Variants in DERA observed in about 807,000 individuals in gnomAD.
The protein encoded by DERA is deoxyribose-phosphate aldolase, also known as 2-deoxy-D-ribose 5-phosphate aldolase.
In DERA, 15 loss-of-function variants were observed where a neutral mutation model predicts 41.1. That is an observed-to-expected ratio of 0.37 (90% CI 0.24 to 0.56). The LOEUF is 0.56. Among genes scored for constraint, DERA ranks in the 20% least tolerant of loss-of-function variants. The pLI is 0.81. For synonymous variants in DERA, 139 were observed against 137.4 expected (o/e 1.01, Z -0.08); for missense variants, 396 against 403.4 (o/e 0.98, Z 0.16).
chr12:15,935,189 T>A lies in DERA; in HGVS notation c.32-21747T>A, dbSNP rs2136132556. On this transcript the variant is annotated intron_variant, in intron 1 of 8. Transcript: ENST00000428559. This position sits in a 1 kb window ranked among gnomAD's most constrained non-coding sequence, Gnocchi z 4.8. ...ATCCATTGCTATGATATTTTAAAGT[T>A]TCACTGTAATTTTTTGGCTGAGTAT... Among the ~76,000 whole-genome samples, 1 of 152,318 alleles carries A rather than the reference T, an allele frequency of 6.6e-6. No homozygotes were observed. The highest frequency in any genetic ancestry group is 2.4e-5 in the African/African-American group (1 of 41,570).
chr12:16,029,910 G>T (rs1265794158), intron 6 of DERA, among the ~76,000 whole-genome samples: 3 of 93,620 alleles, frequency 3.2e-5, no homozygotes, highest in Non-Finnish European at 7.2e-5. Context: ...ATGTAGCCTT[G>T]GTCTTTTTTT....
Position 15,994,821 on chromosome 12 carries a change from A to G in DERA, c.637+12385A>G, listed in dbSNP as rs571443953. Among the ~76,000 whole-genome samples the G allele has an allele frequency of 4.4e-4, 67 of 152,358 alleles. No individual in the cohort carries two copies. The highest frequency in any genetic ancestry group is 1.5e-3 in the African/African-American group (64 of 41,576). ...TCCCTCAGTATATTGTACCAGGTAG[A>G]TGCTTGATTATGCATATTTATTGAA... is the stretch of plus-strand genomic sequence containing the variant. On this transcript the variant is annotated intron_variant, in intron 6 of 8. Transcript: ENST00000428559. This position sits in a 1 kb window ranked among gnomAD's most constrained non-coding sequence, Gnocchi z 4.8.
chr12:16,029,745 G>T (rs1473234895), intron 6 of DERA, among the ~76,000 whole-genome samples: 2 of 151,914 alleles, frequency 1.3e-5, no homozygotes, highest in African/African-American at 4.8e-5. Context: ...CTACTGCTGG[G>T]CTACTGTTGC....
Position 15,962,937 on chromosome 12 carries a change from C to T in DERA, c.498C>T (p.Gly166=). Residue 166 remains glycine, a synonymous_variant, in exon 5 of 9, where the codon GGC becomes GGT. Coordinates refer to ENST00000428559, the MANE Select transcript of DERA (RefSeq NM_015954.4). ...TTAACAGAAGCTTGGTGCTGACAGG[C>T]CAGTGGGAAGGTAGGTGCATGCTTT... ...VVINRSLVLT[G]QWEALYDEIR... is the part of the protein sequence containing the mutation. 1.9e-6 allele frequency: 3 copies of T among 1,606,212 alleles called. No individual in the cohort carries two copies. Among genetic ancestry groups the T allele is most frequent in the South Asian group, 1.1e-5 (1 of 88,672 alleles).
chr12:15,974,374 C>T lies in DERA; in HGVS notation c.509-7934C>T, dbSNP rs183250225. On this transcript the variant is annotated intron_variant, in intron 5 of 8. Transcript: ENST00000428559. ...TTCTTTAACCTAAGAATACTAAGAA[C>T]AGTCCTCAGTCTTCCCTTGTCTTTG... Among the ~76,000 whole-genome samples the T allele has an allele frequency of 1.2e-4, 19 of 152,234 alleles. No homozygotes were observed. The East Asian group carries it at 1.9e-3, about 15-fold the overall frequency.
chr12:15,950,652 T>C (rs1948490656), intron 1 of DERA, among the ~76,000 whole-genome samples: 1 of 152,216 alleles, frequency 6.6e-6, no homozygotes, highest in South Asian at 2.1e-4. Context: ...TTTCCCTATA[T>C]GATGGCCTCA....
At chr12:15,961,387 A>G (rs775495169) in intron 4 of DERA, among the ~76,000 whole-genome samples, 4 of 152,142 alleles carry the variant, frequency 2.6e-5, no homozygotes, top group Non-Finnish European at 4.4e-5. Flanking sequence ...TTAAAAAGGG[A>G]GTCTAGGCCA....
In DERA at chr12:16,020,300, G is replaced by A. The variant is rs1317979395; in HGVS notation, c.638-12242G>A. On this transcript the variant is annotated intron_variant, in intron 6 of 8. Transcript: ENST00000428559. This position sits in a 1 kb window ranked among gnomAD's most constrained non-coding sequence, Gnocchi z 5.5. ...AGGAAGAAGAGAGAGGAGGGGAGGT[G>A]CTACACACTTTTAAACCACCAGATC... is the stretch of plus-strand genomic sequence containing the variant. Among the ~76,000 whole-genome samples the A allele has an allele frequency of 1.3e-5, 2 of 152,122 alleles. No homozygotes were observed. Among genetic ancestry groups the A allele is most frequent in the Admixed American group, 1.3e-4 (2 of 15,272 alleles).
rs1948526152 is a variant in DERA, at chr12:15,954,903, G to C, written c.32-2033G>C. 6.6e-6 allele frequency among the ~76,000 whole-genome samples: 1 copy of C among 151,954 alleles called. No individual in the cohort carries two copies. Among genetic ancestry groups the C allele is most frequent in the South Asian group, 2.1e-4 (1 of 4,830 alleles). On this transcript the variant is annotated intron_variant, in intron 1 of 8. Coordinates refer to ENST00000428559, the MANE Select transcript of DERA (RefSeq NM_015954.4). This position sits in a 1 kb window ranked among gnomAD's most constrained non-coding sequence, Gnocchi z 4.0. ...ACGGTCAACAATTAGTTGGCAGTGAGTCTTGGAGTTCACATACTCTTCACT... is the reference window on the plus strand; with the variant it reads ...ACGGTCAACAATTAGTTGGCAGTGACTCTTGGAGTTCACATACTCTTCACT...
At position 15,911,695 on chromosome 12, in the gene DERA, C is replaced by T; in HGVS notation, c.31+281C>T. 1.5e-6 allele frequency: 1 copy of T among 669,330 alleles called. No homozygotes were observed. The highest frequency in any genetic ancestry group is 2.7e-6 in the Non-Finnish European group (1 of 364,200). The allele number at this position is 669,330 out of a possible 1,614,324, so 41.5% of individuals were successfully genotyped here. A position where few individuals can be genotyped will look rare whatever the true frequency, so the allele number is the denominator to read the frequency against. ...CTGCCTTTTCGTTCACTCTAGCTCG[C>T]TGGTTGGAAAACCCAACAACCCAAA... On this transcript the variant is annotated intron_variant, in intron 1 of 8. Transcript: ENST00000428559. The surrounding 1 kb of genome is among the most constrained non-coding windows in gnomAD (Gnocchi z 4.5).
At chr12:15,953,152 A>G (rs1256067644) in intron 1 of DERA, among the ~76,000 whole-genome samples, 1 of 152,110 alleles carries the variant, frequency 6.6e-6, no homozygotes, top group Non-Finnish European at 1.5e-5. Flanking sequence ...AGAAATCTCC[A>G]CTTATCCATT....
Position 15,990,295 on chromosome 12 carries a change from T to C in DERA, c.637+7859T>C, listed in dbSNP as rs1020003700. On this transcript the variant is annotated intron_variant, in intron 6 of 8. Transcript: ENST00000428559. This position sits in a 1 kb window ranked among gnomAD's most constrained non-coding sequence, Gnocchi z 4.3. ...TAGCAGAATTGTTCAATGAATCTTA[T>C]ATTTGAACTTACTTTGCTAACACTT... 2.0e-5 allele frequency among the ~76,000 whole-genome samples: 3 copies of C among 152,240 alleles called. No homozygotes were observed. The highest frequency in any genetic ancestry group is 1.3e-4 in the Admixed American group (2 of 15,292).
At chr12:15,978,686 GT>G (rs1406259362) in intron 5 of DERA, among the ~76,000 whole-genome samples, 1 of 152,058 alleles carries the variant, frequency 6.6e-6, no homozygotes, top group Non-Finnish European at 1.5e-5. Flanking sequence ...CCCCCAGACT[GT>G]TTTTTTAGGG....
rs561800046 is a variant in DERA at position 16,014,794 on chromosome 12, G to A, written c.638-17748G>A. On this transcript the variant is annotated intron_variant, in intron 6 of 8. Transcript: ENST00000428559. The surrounding 1 kb of genome is among the most constrained non-coding windows in gnomAD (Gnocchi z 5.4). The stretch of plus-strand genomic sequence containing the variant: ...AGCCACAGACACTCAATGCTAGCCC[G>A]TGAAAGCAGCCAGGAGGGGTACTGT... Among the ~76,000 whole-genome samples the A allele has an allele frequency of 1.1e-4, 16 of 152,304 alleles. No individual in the cohort carries two copies. Among genetic ancestry groups the A allele is most frequent in the African/African-American group, 3.1e-4 (13 of 41,568 alleles).
At position 16,032,626 on chromosome 12, in the gene DERA, G is replaced by C; in HGVS notation, c.722G>C (p.Arg241Thr). The change falls in exon 7 of 9, where the codon AGA becomes ACA. Residue 241 changes from arginine to threonine, a missense_variant. By Grantham distance (71) the Arg-to-Thr change is moderately conservative (BLOSUM62 -1). Coordinates refer to ENST00000428559, the MANE Select transcript of DERA (RefSeq NM_015954.4). ...GCTATAGTAATGCTGCGGGCCATTA[G>C]AGATTTCTTCTGGAAAACTGGAAAC... ...PVAIVMLRAIRDFFWKTGNKI... is the reference protein window; with the variant it reads ...PVAIVMLRAITDFFWKTGNKI... The C allele has an allele frequency of 6.4e-7, 1 of 1,564,290 alleles. No homozygotes were observed. Among genetic ancestry groups the C allele is most frequent in the Non-Finnish European group, 8.7e-7 (1 of 1,152,916 alleles).
rs1415643415 is a variant in DERA at position 15,962,982 on chromosome 12, A to G, written c.508+35A>G. The G allele has an allele frequency of 6.3e-6, 10 of 1,589,176 alleles. No homozygotes were observed. The East Asian group carries it at 1.1e-4, about 18-fold the overall frequency. ...TGCTTTTACCTAAGAGAGTTTCACC[A>G]TTCTTCCCTGGTGAATCAGATGATG... On this transcript the variant is annotated intron_variant, in intron 5 of 8. Coordinates refer to ENST00000428559, the MANE Select transcript of DERA (RefSeq NM_015954.4).
intron 6 of DERA, among the ~76,000 whole-genome samples, chr12:16,030,690 T>C (rs768505978): frequency 5.3e-5 from 8 of 152,222 alleles, no homozygotes; most frequent in Non-Finnish European, 8.8e-5. Flanking sequence ...CATTACATTG[T>C]ATTATATTTC....
rs899594500 is a variant in DERA at position 16,001,313 on chromosome 12, A to T, written c.637+18877A>T. Reference sequence around the variant, plus strand: ...AAAAAAAACCATTCAGGCTCCCATGAGGTGATCAGGTACTTCTTTATAATT... The same window carrying T: ...AAAAAAAACCATTCAGGCTCCCATGTGGTGATCAGGTACTTCTTTATAATT... On this transcript the variant is annotated intron_variant, in intron 6 of 8. Transcript: ENST00000428559. The surrounding 1 kb of genome is among the most constrained non-coding windows in gnomAD (Gnocchi z 4.1). Among the ~76,000 whole-genome samples the T allele has an allele frequency of 1.3e-5, 2 of 152,182 alleles. No individual in the cohort carries two copies. The highest frequency in any genetic ancestry group is 4.1e-4 in the South Asian group (2 of 4,826).
At position 15,958,197 on chromosome 12, in the gene DERA, C is replaced by G; in HGVS notation, c.139C>G (p.Leu47Val). The G allele has an allele frequency of 6.4e-7, 1 of 1,557,992 alleles. No individual in the cohort carries two copies. The highest frequency in any genetic ancestry group is 8.7e-7 in the Non-Finnish European group (1 of 1,154,666). Residue 47 changes from leucine (L) to valine (V), a missense_variant, in exon 3 of 9, where the codon CTC (leucine) becomes GTC (valine). Transcript: ENST00000428559. ...TVKKEWQAAW[L>V]LKAVTFIDLT... is the part of the protein sequence containing the mutation. ...CTTTTGTTTAAACCAGGCTGCTTGGCTCCTGAAAGCTGTTACCTTTATAGA... is the reference window on the plus strand; with the variant it reads ...CTTTTGTTTAAACCAGGCTGCTTGGGTCCTGAAAGCTGTTACCTTTATAGA...
Sources: allele counts gnomAD v4.1 joint callset (sites outside exome capture counted in the v4.1 genomes callset), GRCh38; gene constraint gnomAD v4.1.1; non-coding constraint Gnocchi (gnomAD v3.1); transcripts MANE v1.5; gene names NCBI Gene and HGNC (gene_info 2026-07-23, HGNC 2026-07-21).